The following NADK2 variants were observed in gnomAD, a reference collection of about 807,000 sequenced individuals.
NADK2 encodes the protein NAD kinase domain-containing protein 1, mitochondrial.
In NADK2, 35 loss-of-function variants were observed where a neutral mutation model predicts 62.1. The observed-to-expected ratio is 0.56, with a 90% CI of 0.43 to 0.75. The LOEUF (loss-of-function observed/expected upper bound fraction) is 0.75. Among genes scored for constraint, NADK2 ranks in the 30% least tolerant of loss-of-function variants. The pLI, the probability that NADK2 is intolerant of heterozygous loss-of-function variation, is 0.00. For synonymous variants in NADK2, 205 were observed against 207.9 expected (o/e 0.99, Z 0.12); for missense variants, 439 against 561.3 (o/e 0.78, Z 2.20).
intron 1 of NADK2, among the ~76,000 whole-genome samples, chr5:36,234,113 G>A (rs965336004): frequency 2.6e-5 from 4 of 152,092 alleles, no homozygotes; most frequent in South Asian, 2.1e-4. Context: ...GGTGGCTCAC[G>A]CCTGTAATCC....
At chr5:36,209,995 T>C (rs1471424170) in intron 7 of NADK2, among the ~76,000 whole-genome samples, 1 of 152,170 alleles carries the variant, frequency 6.6e-6, no homozygotes, top group Non-Finnish European at 1.5e-5. Flanking sequence ...TGAATATCTT[T>C]TTTAGTTAAG....
chr5:36,217,628 C>G, intron 6 of NADK2, 120 bp downstream of exon 6: 1 of 1,038,622 alleles, frequency 9.6e-7, no homozygotes, highest in East Asian at 2.4e-5. Flanking sequence ...ATTCACTGTA[C>G]TTTGTTAAGT....
chr5:36,199,214 A>T lies in NADK2; in HGVS notation c.1066+1013T>A, dbSNP rs879802786. On this transcript the variant is annotated intron_variant, in intron 10 of 11. Coordinates refer to ENST00000381937, the MANE Select transcript of NADK2 (RefSeq NM_001085411.3). Reference sequence around the variant, plus strand: ...CTTAAAGTATAATAATAATAAAATTAAAAAAAAGAAAAAGATATTGCTAAC... The same window carrying T: ...CTTAAAGTATAATAATAATAAAATTTAAAAAAAGAAAAAGATATTGCTAAC... Among the ~76,000 whole-genome samples the T allele has an allele frequency of 2.4e-4, 36 of 152,056 alleles. 1 individual carries two copies. Among genetic ancestry groups the T allele is most frequent in the African/African-American group, 6.0e-4 (25 of 41,500 alleles).
At chr5:36,235,761 A>G (rs1747882026) in intron 1 of NADK2, among the ~76,000 whole-genome samples, 1 of 152,100 alleles carries the variant, frequency 6.6e-6, no homozygotes, top group African/African-American at 2.4e-5. Context: ...ATCAGGACCT[A>G]ATTCTACCAC....
At chr5:36,196,928 TTGTTAATTGCTTAAGCTGTTTTC>T (rs1300065939) in intron 11 of NADK2, among the ~76,000 whole-genome samples, 1 of 152,042 alleles carries the variant, frequency 6.6e-6, no homozygotes, top group African/African-American at 2.4e-5. Flanking sequence ...GGTCAGCAAT[TTGTTAATTGCTTAAGCTGTTTTC>T]TGCTTGCCAT....
chr5:36,207,743 AC>A (rs929652749), intron 7 of NADK2, among the ~76,000 whole-genome samples: 13 of 152,156 alleles, frequency 8.5e-5, no homozygotes, highest in African/African-American at 3.1e-4. Flanking sequence ...ATGCTAATGT[AC>A]CTTTTGAATT....
intron 9 of NADK2, among the ~76,000 whole-genome samples, 156 bp from the exon 10 acceptor site, chr5:36,200,436 A>G (rs1240354981): frequency 6.6e-6 from 1 of 151,854 alleles, no homozygotes; most frequent in Non-Finnish European, 1.5e-5. Context: ...AACAACATGT[A>G]TACATTATAT....
At chr5:36,216,008 C>A (rs1272211308) in intron 6 of NADK2, among the ~76,000 whole-genome samples, 1 of 152,072 alleles carries the variant, frequency 6.6e-6, no homozygotes, top group Non-Finnish European at 1.5e-5. Flanking sequence ...TTTGAGAAAC[C>A]TTCATGCTGT....
chr5:36,241,458 G>T lies in NADK2; in HGVS notation c.300+41C>A, dbSNP rs1189866494. The T allele has an allele frequency of 1.3e-6, 2 of 1,496,234 alleles. No individual in the cohort carries two copies. Among genetic ancestry groups the T allele is most frequent in the East Asian group, 2.8e-5 (1 of 35,870 alleles). 92.7% of individuals were successfully genotyped at this position (1,496,234 alleles called of 1,614,324 possible). On this transcript the variant is annotated intron_variant, in intron 1 of 11. Transcript: ENST00000381937. This position sits in a 1 kb window ranked among gnomAD's most constrained non-coding sequence, Gnocchi z 4.9. ...GGGGCGCAGCCGCCACCAGAGCCCC[G>T]GCCGAGCCCGGGAGCGAAGCGGGGC...
intron 7 of NADK2, chr5:36,208,731 C>T (rs1284319172): frequency 7.1e-6 from 9 of 1,276,222 alleles, no homozygotes; most frequent in Non-Finnish European, 8.6e-6. Context: ...CAAAATTGGG[C>T]CTTTAAAATG....
chr5:36,227,583 A>G lies in NADK2; in HGVS notation c.301-18T>C. The G allele has an allele frequency of 5.6e-6, 8 of 1,426,648 alleles. No homozygotes were observed. The highest frequency in any genetic ancestry group is 7.5e-6 in the Non-Finnish European group (8 of 1,064,112). The allele number at this position is 1,426,648 out of a possible 1,614,324, so 88.4% of individuals were successfully genotyped here. A position where few individuals can be genotyped will look rare whatever the true frequency, so the allele number is the denominator to read the frequency against. On this transcript the variant is annotated intron_variant, in intron 1 of 11. Coordinates refer to ENST00000381937, the MANE Select transcript of NADK2 (RefSeq NM_001085411.3). ...AATGCAAGCTATATCAAAACAAAAG[A>G]AACGTTGTTTTACTAATATATATTA...
intron 6 of NADK2, 102 bp from the exon 7 acceptor site, chr5:36,212,024 T>A: frequency 2.4e-6 from 2 of 843,192 alleles, no homozygotes; most frequent in Non-Finnish European, 3.8e-6. Context: ...TTTTTGTTTT[T>A]AAAAGAATCA....
At chr5:36,230,529 C>T (rs1263470599) in intron 1 of NADK2, among the ~76,000 whole-genome samples, 1 of 152,228 alleles carries the variant, frequency 6.6e-6, no homozygotes, top group Non-Finnish European at 1.5e-5. Flanking sequence ...AGTGATCTTA[C>T]TTATCTTGTT....
At chr5:36,208,787 T>C in intron 7 of NADK2, 1 of 773,302 alleles carries the variant, frequency 1.3e-6, no homozygotes, top group Non-Finnish European at 2.1e-6. Flanking sequence ...ATAATATTGC[T>C]GCACTTCATA....
At chr5:36,208,728 G>T in intron 7 of NADK2, 1 of 1,333,298 alleles carries the variant, frequency 7.5e-7, no homozygotes, top group Non-Finnish European at 1.0e-6. Flanking sequence ...AAACAAAATT[G>T]GGCCTTTAAA....
intron 8 of NADK2, among the ~76,000 whole-genome samples, chr5:36,201,745 C>T (rs924266537): frequency 2.0e-5 from 3 of 151,808 alleles, no homozygotes; most frequent in African/African-American, 7.3e-5. Context: ...TAGCTTTTTG[C>T]TGTATACCCT....
At chr5:36,216,994 T>C (rs1375170966) in intron 6 of NADK2, among the ~76,000 whole-genome samples, 1 of 152,124 alleles carries the variant, frequency 6.6e-6, no homozygotes, top group African/African-American at 2.4e-5. Context: ...GCTAACCTAT[T>C]AAGCTATAAG....
At chr5:36,208,385 A>G (rs1448354199) in intron 7 of NADK2, among the ~76,000 whole-genome samples, 1 of 152,100 alleles carries the variant, frequency 6.6e-6, no homozygotes, top group Non-Finnish European at 1.5e-5. Context: ...CCAAATCCAT[A>G]GAAGTGGCTG....
intron 11 of NADK2, among the ~76,000 whole-genome samples, chr5:36,195,961 A>G (rs1746215753): frequency 7.2e-6 from 1 of 139,042 alleles, no homozygotes; most frequent in African/African-American, 2.4e-5. Context: ...CCATATTAGT[A>G]CATGTAATAG....
Sources: allele counts gnomAD v4.1 joint callset (sites outside exome capture counted in the v4.1 genomes callset), GRCh38; gene constraint gnomAD v4.1.1; non-coding constraint Gnocchi (gnomAD v3.1); transcripts MANE v1.5; gene names NCBI Gene and HGNC (gene_info 2026-07-23, HGNC 2026-07-21).